SCNN1G: variants seen among roughly 807,000 people sequenced by gnomAD.
SCNN1G encodes the protein epithelial sodium channel subunit gamma.
Under a neutral mutation model 64.6 loss-of-function variants are expected in SCNN1G, and 27 were observed. The ratio of observed to expected loss-of-function variants is 0.42; its 90% confidence interval spans 0.31 to 0.58. The LOEUF (loss-of-function observed/expected upper bound fraction) is 0.58. SCNN1G is among the 20% of genes least tolerant of loss of function. SCNN1G has a pLI of 0.18. For synonymous variants in SCNN1G, 330 were observed against 314.2 expected (o/e 1.05, Z -0.53); for missense variants, 743 against 823.4 (o/e 0.90, Z 1.19).
At position 23,215,324 on chromosome 16, in the gene SCNN1G, T is replaced by C; in HGVS notation, c.1805T>C (p.Leu602Pro). The C allele has an allele frequency of 6.2e-7, 1 of 1,614,144 alleles. No individual in the cohort carries two copies. ...CCAGCCCTGGATATAGACGATGACCTACCCACTTTCAACTCTGCTTTGCAC... is the reference window on the plus strand; with the variant it reads ...CCAGCCCTGGATATAGACGATGACCCACCCACTTTCAACTCTGCTTTGCAC... ...DNPALDIDDD[L>P]PTFNSALHLP... The change falls in exon 13 of 13, where the codon CTA becomes CCA. Residue 602 changes from leucine to proline, a missense_variant. Transcript: ENST00000300061.
chr16:23,186,659 A>G, intron 2 of SCNN1G, 71 bp downstream of exon 2: 1 of 1,341,204 alleles, frequency 7.5e-7, no homozygotes, highest in Non-Finnish European at 1.1e-6. Context: ...CCCTCCCGAA[A>G]GTGACACACT....
chr16:23,204,330 T>TAG (rs1475386474), intron 6 of SCNN1G, among the ~76,000 whole-genome samples: 19 of 34,476 alleles, frequency 5.5e-4, no homozygotes, highest in East Asian at 9.9e-4. Flanking sequence ...TATATATATA[T>TAG]ATATAGAGAG....
intron 9 of SCNN1G, 29 bp downstream of exon 9, chr16:23,212,785 T>G (rs12708649): frequency 6.2e-7 from 1 of 1,613,134 alleles, no homozygotes; most frequent in African/African-American, 1.3e-5. Flanking sequence ...GTGAGACGGG[T>G]GGCTGGGTTG....
At chr16:23,211,956 G>T in intron 7 of SCNN1G, 78 bp from the exon 8 acceptor site, 1 of 1,049,126 alleles carries the variant, frequency 9.5e-7, no homozygotes, top group Non-Finnish European at 1.5e-6. Flanking sequence ...CTGACCCCCT[G>T]GGCTGAGGGA....
At chr16:23,213,250 CT>C in intron 11 of SCNN1G, 87 bp downstream of exon 11, 1 of 771,274 alleles carries the variant, frequency 1.3e-6, no homozygotes, top group Non-Finnish European at 2.1e-6. Flanking sequence ...TGGCCAAATC[CT>C]CTTTTTTTTT....
intron 1 of SCNN1G, among the ~76,000 whole-genome samples, 170 bp from the exon 2 acceptor site, chr16:23,186,058 G>C (rs561408295): frequency 1.3e-5 from 2 of 152,326 alleles, no homozygotes; most frequent in East Asian, 3.9e-4. Context: ...CAAACGTCCC[G>C]TGGAAAAGGG....
At chr16:23,208,606 C>T (rs1290626018) in intron 6 of SCNN1G, among the ~76,000 whole-genome samples, 3 of 146,424 alleles carry the variant, frequency 2.0e-5, no homozygotes, top group South Asian at 4.7e-4. Flanking sequence ...CCTTCCCTTC[C>T]CCTCCCCTCC....
intron 6 of SCNN1G, among the ~76,000 whole-genome samples, chr16:23,200,219 T>C (rs905511510): frequency 6.6e-6 from 1 of 152,036 alleles, no homozygotes; most frequent in Non-Finnish European, 1.5e-5. Flanking sequence ...TTTTACCAAG[T>C]TGTAGTGGTT....
chr16:23,184,056 T>C (rs1959565308), intron 1 of SCNN1G, among the ~76,000 whole-genome samples: 1 of 152,236 alleles, frequency 6.6e-6, no homozygotes, highest in Non-Finnish European at 1.5e-5. Flanking sequence ...TAGTAATTCT[T>C]CCACCAAGGG....
chr16:23,209,991 A>G (rs1487077722), intron 7 of SCNN1G, 143 bp downstream of exon 7: 3 of 710,300 alleles, frequency 4.2e-6, no homozygotes, highest in Admixed American at 4.0e-5. Flanking sequence ...AGAACAAATG[A>G]TGCCGGCTGG....
At position 23,215,529 on chromosome 16, in the gene SCNN1G, C is replaced by T. The variant is rs558047123; in HGVS notation, c.*60C>T. On this transcript the variant is annotated 3_prime_UTR_variant, in exon 13 of 13. Coordinates refer to ENST00000300061, the MANE Select transcript of SCNN1G (RefSeq NM_001039.4). ...CCAGCCATGGTCTAAGGACATGGAT[C>T]GGGTGCCCCCAGACGTGTGCACAGG... 20 of 1,586,434 alleles carry T rather than the reference C, an allele frequency of 1.3e-5. No individual in the cohort carries two copies. In the Middle Eastern group the frequency reaches 8.3e-4, roughly 66 times the overall value.
chr16:23,206,514 C>G (rs1959993428), intron 6 of SCNN1G, among the ~76,000 whole-genome samples: 1 of 152,096 alleles, frequency 6.6e-6, no homozygotes, highest in African/African-American at 2.4e-5. Flanking sequence ...CTTTGGGAGG[C>G]TGAGGTGGGA....
At chr16:23,190,954 C>T (rs559933586) in intron 3 of SCNN1G, among the ~76,000 whole-genome samples, 182 of 147,194 alleles carry the variant, frequency 1.2e-3, no homozygotes, top group Non-Finnish European at 2.0e-3. Flanking sequence ...AGTGATTCTC[C>T]TGCCTCAGCC....
intron 4 of SCNN1G, among the ~76,000 whole-genome samples, chr16:23,193,004 G>C (rs1959734429): frequency 6.8e-6 from 1 of 147,346 alleles, no homozygotes; most frequent in Admixed American, 6.8e-5. Context: ...GGGAGGCGGA[G>C]GTTGCAATAA....
At chr16:23,210,515 C>A (rs4335773) in intron 7 of SCNN1G, among the ~76,000 whole-genome samples, 116,328 of 152,056 alleles carry the variant, frequency 0.77, 45,035 homozygotes, top group East Asian at 0.89. Flanking sequence ...TATGTCACTT[C>A]CATCACTGTC....
intron 2 of SCNN1G, among the ~76,000 whole-genome samples, chr16:23,187,106 CTTTTTTTTTT>C (rs991130957): frequency 6.3e-4 from 74 of 117,926 alleles, no homozygotes; most frequent in Non-Finnish European, 1.1e-3. Flanking sequence ...CTGGCCTTTT[CTTTTTTTTTT>C]TTTTTTTTTG....
In SCNN1G at chr16:23,216,832, G is replaced by A. The variant is rs1439160414; in HGVS notation, c.*1363G>A. The A allele has an allele frequency of 5.9e-5, 9 of 152,168 alleles. No homozygotes were observed. Among genetic ancestry groups the A allele is most frequent in the Admixed American group, 4.6e-4 (7 of 15,266 alleles). The allele number at this position is 152,168 out of a possible 1,614,324, so 9.4% of individuals were successfully genotyped here. ...ATTCTGTGACTCATGAAAATGATAT[G>A]AGATTCGAATTCCAGTGTCTATAAA... On this transcript the variant is annotated 3_prime_UTR_variant, in exon 13 of 13. Transcript: ENST00000300061.
chr16:23,193,482 CA>C (rs897316239), intron 4 of SCNN1G, among the ~76,000 whole-genome samples: 2 of 151,704 alleles, frequency 1.3e-5, no homozygotes, highest in East Asian at 1.9e-4. Flanking sequence ...CTCCTTTCTA[CA>C]AAAAAAATTC....
chr16:23,205,716 A>G (rs1229321748), intron 6 of SCNN1G, among the ~76,000 whole-genome samples: 1 of 151,584 alleles, frequency 6.6e-6, no homozygotes, highest in Non-Finnish European at 1.5e-5. Context: ...AAAAAAAAAA[A>G]AAGTCCCTCC....
Sources: allele counts gnomAD v4.1 joint callset (sites outside exome capture counted in the v4.1 genomes callset), GRCh38; gene constraint gnomAD v4.1.1; transcripts MANE v1.5; gene names NCBI Gene and HGNC (gene_info 2026-07-23, HGNC 2026-07-21).